SLCO1A2: variants seen among roughly 807,000 people sequenced by gnomAD.
The protein encoded by SLCO1A2 is OATP-1.
SLCO1A2 carries 67 observed loss-of-function variants against 69.0 expected under a neutral mutation model. That is an observed-to-expected ratio of 0.97 (90% CI 0.80 to 1.19). The LOEUF (loss-of-function observed/expected upper bound fraction) is 1.19, where lower values mean the gene tolerates loss of function less well. Among genes scored for constraint, SLCO1A2 ranks in the 50% most tolerant of loss-of-function variants. The pLI is 0.00. For synonymous variants in SLCO1A2, 260 were observed against 265.9 expected (o/e 0.98, Z 0.22); for missense variants, 787 against 793.7 (o/e 0.99, Z 0.10).
rs113995596 is a variant in SLCO1A2, at chr12:21,382,967, C to T, written c.-189-8442G>A. On this transcript the variant is annotated intron_variant, in intron 1 of 15. Coordinates refer to the SLCO1A2 transcript ENST00000307378. ...CAAATAAAAATATTTTTCTTTTACT[C>T]CCACTTTGCACTGTGTTTTATTAAA... Among the ~76,000 whole-genome samples the T allele has an allele frequency of 2.3e-3, 346 of 152,136 alleles. 1 individual carries two copies. Among genetic ancestry groups the T allele is most frequent in the African/African-American group, 8.0e-3 (334 of 41,496 alleles).
At position 21,340,995 on chromosome 12, in the gene SLCO1A2, T is replaced by C. The variant is rs375972005; in HGVS notation, c.-62-6286A>G. On this transcript the variant is annotated intron_variant, in intron 2 of 15. Transcript: ENST00000307378. ...ACTGCTTTCCATATTCCAAGCACTGTTCTAGGGGCATTGCAGATATCAACC... is the reference window on the plus strand; with the variant it reads ...ACTGCTTTCCATATTCCAAGCACTGCTCTAGGGGCATTGCAGATATCAACC... Among the ~76,000 whole-genome samples, 30 of 152,096 alleles carry C rather than the reference T, an allele frequency of 2.0e-4. No homozygotes were observed. The South Asian group carries it at 6.2e-3, about 32-fold the overall frequency.
intron 10 of SLCO1A2, 45 bp from the exon 11 acceptor site, chr12:21,294,155 A>C: frequency 7.1e-7 from 1 of 1,406,826 alleles, no homozygotes. Context: ...AAGAGGATTC[A>C]ATCCTTTTTT....
At position 21,275,404 on chromosome 12, in the gene SLCO1A2, T is replaced by C; in HGVS notation, c.1631A>G (p.Lys544Arg). The C allele has an allele frequency of 6.6e-7, 1 of 1,517,668 alleles. No individual in the cohort carries two copies. Among genetic ancestry groups the C allele is most frequent in the Non-Finnish European group, 8.9e-7 (1 of 1,124,874 alleles). 94.0% of individuals were successfully genotyped at this position (1,517,668 alleles called of 1,614,324 possible). A position where few individuals can be genotyped will look rare whatever the true frequency, so the allele number is the denominator to read the frequency against. ...VLLRCMKSEEKSLGVGLHTFC... is the reference protein window; with the variant it reads ...VLLRCMKSEERSLGVGLHTFC... ...TGTATGTAATCCCACACCAAGGGAC[T>C]TCTCTTCAGATTTCATACACCTGAA... Residue 544 changes from lysine (K) to arginine (R), a missense_variant, in exon 13 of 15, where the codon AAG (lysine) becomes AGG (arginine). Lys to Arg is a conservative substitution (Grantham distance 26). Transcript: ENST00000683939.
chr12:21,313,736 C>T (rs754069060), intron 4 of SLCO1A2, among the ~76,000 whole-genome samples: 6 of 150,708 alleles, frequency 4.0e-5, no homozygotes, highest in Non-Finnish European at 5.9e-5. Flanking sequence ...AAACAGAGGC[C>T]GAGGCGGGCG....
intron 1 of SLCO1A2, among the ~76,000 whole-genome samples, chr12:21,416,186 G>T (rs555803964): frequency 1.3e-5 from 2 of 151,750 alleles, no homozygotes; most frequent in South Asian, 4.2e-4. Flanking sequence ...AATTCAAATG[G>T]CTGTGCTCTC....
At chr12:21,400,701 A>G (rs1941663478) in intron 1 of SLCO1A2, among the ~76,000 whole-genome samples, 2 of 149,024 alleles carry the variant, frequency 1.3e-5, no homozygotes, top group South Asian at 4.3e-4. Flanking sequence ...GCAGCCATAA[A>G]AAATGATGAG....
In SLCO1A2 at chr12:21,300,584, A is replaced by G. The variant is rs904207341; in HGVS notation, c.689-15T>C. 2.5e-6 allele frequency: 4 copies of G among 1,569,356 alleles called. No homozygotes were observed. The highest frequency in any genetic ancestry group is 3.5e-5 in the Admixed American group (2 of 57,110). ...GATCAGATCATCTGTAAAAAAATAC[A>G]CACACTGTTATTAGCTTAAGTCAGT... On this transcript the variant is annotated splice_polypyrimidine_tract_variant and intron_variant, in intron 7 of 14. Transcript: ENST00000683939.
chr12:21,327,896 G>T (rs1952356840), intron 2 of SLCO1A2, among the ~76,000 whole-genome samples: 1 of 152,124 alleles, frequency 6.6e-6, no homozygotes, highest in Non-Finnish European at 1.5e-5. Context: ...GCAGCCATGG[G>T]CAGAATTATA....
At chr12:21,329,716 TCTA>T (rs1203575057) in intron 2 of SLCO1A2, among the ~76,000 whole-genome samples, 2 of 150,872 alleles carry the variant, frequency 1.3e-5, no homozygotes, top group Non-Finnish European at 2.9e-5. Context: ...TTTAGTTTTA[TCTA>T]TATAATATTT....
upstream of SLCO1A2, among the ~76,000 whole-genome samples, chr12:21,396,860 C>G (rs888960918): frequency 1.3e-5 from 2 of 151,996 alleles, no homozygotes; most frequent in African/African-American, 4.8e-5. Context: ...CTTACAAGAG[C>G]TCCTGAAGGA....
At chr12:21,281,629 A>G (rs1944816288) in intron 12 of SLCO1A2, among the ~76,000 whole-genome samples, 1 of 152,098 alleles carries the variant, frequency 6.6e-6, no homozygotes, top group Admixed American at 6.6e-5. Flanking sequence ...TAGTTATTTG[A>G]AAAGAAAAAC....
At chr12:21,289,731 T>C (rs1946534697) in intron 12 of SLCO1A2, among the ~76,000 whole-genome samples, 1 of 150,272 alleles carries the variant, frequency 6.7e-6, no homozygotes, top group Non-Finnish European at 1.5e-5. Context: ...TAATGCATCG[T>C]TTGTCAGTCA....
intron 1 of SLCO1A2, among the ~76,000 whole-genome samples, chr12:21,415,414 T>C (rs1032335714): frequency 5.3e-5 from 8 of 152,270 alleles, no homozygotes; most frequent in Non-Finnish European, 1.2e-4. Flanking sequence ...ATATATTTCC[T>C]GGATTTTTCT....
At chr12:21,318,089 C>A (rs954133589) in intron 3 of SLCO1A2, among the ~76,000 whole-genome samples, 11 of 151,708 alleles carry the variant, frequency 7.3e-5, no homozygotes, top group African/African-American at 2.7e-4. Flanking sequence ...CCTTGATCTC[C>A]AACAATATCT....
intron 11 of SLCO1A2, among the ~76,000 whole-genome samples, chr12:21,293,581 G>GTGTATATATATA (rs1323372533): frequency 6.7e-6 from 1 of 150,304 alleles, no homozygotes; most frequent in Non-Finnish European, 1.5e-5. Context: ...ATATATATGT[G>GTGTATATATATA]TGTATATATA....
At chr12:21,313,568 T>C (rs983093067) in intron 4 of SLCO1A2, among the ~76,000 whole-genome samples, 15 of 152,012 alleles carry the variant, frequency 9.9e-5, no homozygotes, top group African/African-American at 3.1e-4. Context: ...AAAAATTAAC[T>C]GAGTGTAGTG....
upstream of SLCO1A2, among the ~76,000 whole-genome samples, chr12:21,395,633 T>C (rs1397924281): frequency 2.0e-5 from 3 of 152,208 alleles, no homozygotes; most frequent in African/African-American, 7.2e-5. Context: ...GTCTGACAGC[T>C]TTGAAGAGAG....
intron 14 of SLCO1A2, among the ~76,000 whole-genome samples, chr12:21,273,306 C>T (rs952511537): frequency 2.0e-5 from 3 of 147,592 alleles, no homozygotes; most frequent in Non-Finnish European, 4.6e-5. Flanking sequence ...GAGAGAGACA[C>T]TATTTATATC....
At position 21,295,802 on chromosome 12, in the gene SLCO1A2, C is replaced by T; in HGVS notation, c.1076-10G>A. The T allele has an allele frequency of 7.4e-7, 1 of 1,349,962 alleles. No homozygotes were observed. Among genetic ancestry groups the T allele is most frequent in the East Asian group, 2.3e-5 (1 of 42,596 alleles). The allele number at this position is 1,349,962 out of a possible 1,614,324, so 83.6% of individuals were successfully genotyped here. On this transcript the variant is annotated splice_polypyrimidine_tract_variant and intron_variant, in intron 9 of 14. Transcript: ENST00000683939. ...GGTAAGTTATAAATACCTATAAATG[C>T]AAATAAAATATTATTTACAAAATGA... is the stretch of plus-strand genomic sequence containing the variant.
Sources: allele counts gnomAD v4.1 joint callset (sites outside exome capture counted in the v4.1 genomes callset), GRCh38; gene constraint gnomAD v4.1.1; transcripts MANE v1.5; gene names NCBI Gene and HGNC (gene_info 2026-07-23, HGNC 2026-07-21).